UBE2H: variants seen among roughly 807,000 people sequenced by gnomAD.
The protein encoded by UBE2H is ubiquitin-conjugating enzyme E2 H.
A neutral mutation model predicts 29.0 loss-of-function variants in UBE2H; 3 were observed. The ratio of observed to expected loss-of-function variants is 0.10; its 90% CI spans 0.05 to 0.27. The LOEUF (loss-of-function observed/expected upper bound fraction) is 0.27, where lower values mean the gene tolerates loss of function less well. UBE2H is among the 10% of genes least tolerant of loss of function. UBE2H has a pLI of 1.00. For synonymous variants in UBE2H, 69 were observed against 82.9 expected (o/e 0.83, Z 0.91); for missense variants, 68 against 228.2 (o/e 0.30, Z 4.52).
chr7:129,863,808 G>GTTTTTTTT (rs34701981), intron 3 of UBE2H, among the ~76,000 whole-genome samples: 2,451 of 135,882 alleles, frequency 0.018, 56 homozygotes, highest in Middle Eastern at 0.038. Context: ...AATACTAGGT[G>GTTTTTTTT]TTTTTTTTTT....
At chr7:129,839,030 A>C (rs939250966) in intron 6 of UBE2H, among the ~76,000 whole-genome samples, 177 bp downstream of exon 6, 7 of 152,216 alleles carry the variant, frequency 4.6e-5, no homozygotes, top group African/African-American at 1.7e-4. Context: ...GCAAAGGATG[A>C]GCAAACTGGT....
At chr7:129,928,866 T>C (rs910457254) in intron 1 of UBE2H, among the ~76,000 whole-genome samples, 7 of 152,194 alleles carry the variant, frequency 4.6e-5, no homozygotes, top group Non-Finnish European at 1.0e-4. Context: ...TTAAAAAAGA[T>C]ACACAAATAT....
chr7:129,840,417 G>T (rs1411053638), intron 5 of UBE2H, among the ~76,000 whole-genome samples: 6 of 151,814 alleles, frequency 4.0e-5, no homozygotes. Context: ...TGAACTCCTG[G>T]ACTCAAGAGA....
chr7:129,941,975 C>A (rs1192577798), intron 1 of UBE2H, among the ~76,000 whole-genome samples: 1 of 152,020 alleles, frequency 6.6e-6, no homozygotes, highest in Non-Finnish European at 1.5e-5. Flanking sequence ...TTTGGGAGGC[C>A]AAGGCAGCCA....
At chr7:129,871,964 C>T (rs978704065) in intron 3 of UBE2H, among the ~76,000 whole-genome samples, 8 of 152,102 alleles carry the variant, frequency 5.3e-5, no homozygotes, top group Non-Finnish European at 7.4e-5. Context: ...CTCCTTCCTC[C>T]GTCTCTCGAG....
chr7:129,860,660 G>A (rs1310778845), intron 3 of UBE2H, among the ~76,000 whole-genome samples: 1 of 151,822 alleles, frequency 6.6e-6, no homozygotes, highest in African/African-American at 2.4e-5. Context: ...TACAGCCAAG[G>A]GTAATGAAGT....
At chr7:129,843,864 G>A (rs1007826783) in intron 5 of UBE2H, among the ~76,000 whole-genome samples, 11 of 152,284 alleles carry the variant, frequency 7.2e-5, no homozygotes, top group African/African-American at 2.6e-4. Flanking sequence ...ACATAACAAC[G>A]AAAACCTTTA....
chr7:129,949,083 C>A, intron 1 of UBE2H: 1 of 455,648 alleles, frequency 2.2e-6, no homozygotes, highest in Non-Finnish European at 4.4e-6. Flanking sequence ...ACAAGCAGCT[C>A]TAGCCTTCAG....
At chr7:129,882,493 C>T (rs1806275387) in intron 1 of UBE2H, among the ~76,000 whole-genome samples, 1 of 152,172 alleles carries the variant, frequency 6.6e-6, no homozygotes, top group African/African-American at 2.4e-5. Flanking sequence ...CTGCAAGAGG[C>T]CAGGTGTAAT....
chr7:129,878,398 C>CA (rs1222547504), intron 3 of UBE2H, among the ~76,000 whole-genome samples: 2 of 152,034 alleles, frequency 1.3e-5, no homozygotes, highest in South Asian at 2.1e-4. Context: ...AGACAGCCCA[C>CA]AGCAGCCAGG....
chr7:129,842,858 G>A (rs1805450727), intron 5 of UBE2H, among the ~76,000 whole-genome samples: 1 of 152,046 alleles, frequency 6.6e-6, no homozygotes, highest in Admixed American at 6.5e-5. Context: ...AGCCCAGACT[G>A]CGCCATTGCA....
At chr7:129,872,102 G>A (rs1472258623) in intron 3 of UBE2H, among the ~76,000 whole-genome samples, 1 of 152,154 alleles carries the variant, frequency 6.6e-6, no homozygotes. Flanking sequence ...TGAACCTCCT[G>A]CCTCGGCCTC....
chr7:129,952,299 C>G (rs1807893340), intron 1 of UBE2H, among the ~76,000 whole-genome samples: 1 of 151,980 alleles, frequency 6.6e-6, no homozygotes, highest in South Asian at 2.1e-4. Flanking sequence ...ACGCGTATTT[C>G]GGGGTGCTGC....
intron 1 of UBE2H, among the ~76,000 whole-genome samples, chr7:129,950,706 AT>A (rs1445178092): frequency 6.6e-6 from 1 of 152,226 alleles, no homozygotes; most frequent in Non-Finnish European, 1.5e-5. Context: ...TCAATTCAAG[AT>A]AAAAATAACT....
At chr7:129,840,606 C>T (rs2116269995) in intron 5 of UBE2H, among the ~76,000 whole-genome samples, 1 of 133,972 alleles carries the variant, frequency 7.5e-6, no homozygotes, top group East Asian at 2.1e-4. Context: ...AACCCACACA[C>T]CCCATAGCTC....
At chr7:129,894,864 G>A (rs1806569979) in intron 1 of UBE2H, among the ~76,000 whole-genome samples, 1 of 151,832 alleles carries the variant, frequency 6.6e-6, no homozygotes, top group Non-Finnish European at 1.5e-5. Flanking sequence ...GACACTCACT[G>A]TCAAATAACC....
intron 1 of UBE2H, among the ~76,000 whole-genome samples, chr7:129,944,025 T>C (rs1807701181): frequency 6.6e-6 from 1 of 152,192 alleles, no homozygotes; most frequent in Non-Finnish European, 1.5e-5. Flanking sequence ...AATAAATCAG[T>C]GCTTTAAGAG....
intron 1 of UBE2H, among the ~76,000 whole-genome samples, chr7:129,907,711 A>C (rs1345620250): frequency 3.3e-5 from 5 of 151,810 alleles, no homozygotes; most frequent in African/African-American, 9.7e-5. Context: ...CATTGTGACG[A>C]GGTATACATG....
chr7:129,913,160 G>A (rs1269293686), intron 1 of UBE2H, among the ~76,000 whole-genome samples: 3 of 151,158 alleles, frequency 2.0e-5, no homozygotes, highest in Non-Finnish European at 4.4e-5. Context: ...GCTGAGGCAG[G>A]AGAATGGCTT....
Sources: gnomAD v4.1 joint callset for allele counts (sites outside exome capture counted in the v4.1 genomes callset) on GRCh38, gnomAD v4.1.1 for gene constraint, MANE v1.5 for transcripts, NCBI Gene and HGNC (gene_info 2026-07-23, HGNC 2026-07-21) for gene names.